The following HPS4 variants were observed in gnomAD, a reference collection of about 807,000 sequenced individuals.
HPS4 encodes the protein HPS4 biogenesis of lysosomal organelles complex 3 subunit 2, also known as BLOC-3 complex member HPS4.
A neutral mutation model predicts 70.3 loss-of-function variants in HPS4; 44 were observed. That is an observed-to-expected ratio of 0.63 (90% CI 0.49 to 0.80). The LOEUF is 0.80. HPS4 is among the 30% of genes least tolerant of loss of function. The pLI, the probability that HPS4 is intolerant of heterozygous loss-of-function variation, is 0.00. For synonymous variants in HPS4, 377 were observed against 355.9 expected (o/e 1.06, Z -0.67); for missense variants, 873 against 884.4 (o/e 0.99, Z 0.16).
chr22:26,478,231 G>A lies in HPS4; in HGVS notation c.132+1034C>T, dbSNP rs181497404. The stretch of plus-strand genomic sequence containing the variant: ...GACGCAACATCTAGAATTTGCTCCA[G>A]GAAAAAAAAAAGAGAGAGAAGAAGA... On this transcript the variant is annotated intron_variant, in intron 3 of 13. Transcript: ENST00000398145. Among the ~76,000 whole-genome samples, 21 of 150,668 alleles carry A rather than the reference G, an allele frequency of 1.4e-4. No individual in the cohort carries two copies. The East Asian group carries it at 3.3e-3, about 24-fold the overall frequency.
Sources: allele counts gnomAD v4.1 joint callset (sites outside exome capture counted in the v4.1 genomes callset), GRCh38; gene constraint gnomAD v4.1.1; transcripts MANE v1.5; gene names NCBI Gene and HGNC (gene_info 2026-07-23, HGNC 2026-07-21).